Variants in ZFHX3 observed in about 807,000 individuals in gnomAD.
ZFHX3 encodes the protein zinc finger homeobox protein 3.
A neutral mutation model predicts 279.1 loss-of-function variants in ZFHX3; 42 were observed. The observed-to-expected ratio is 0.15, with a 90% CI of 0.12 to 0.19. The LOEUF is 0.19. Ranked by LOEUF, ZFHX3 falls within the 10% of genes least tolerant of loss-of-function variation. The probability of loss-of-function intolerance (pLI) is 1.00; values close to 1 mark genes in which losing one functional copy is unlikely to be tolerated. For missense variants in ZFHX3, 4,981 were observed against 4,754.0 expected, an observed-to-expected ratio of 1.05 and a Z score of -1.40; for synonymous variants, 2,293 against 1,957.8, an observed-to-expected ratio of 1.17 and a Z score of -4.52.
chr16:72,786,959 A>T lies in ZFHX3; in HGVS notation c.*205T>A. ...CTTTTTTTTTTTTTTTAATATTAAA[A>T]GAAAAGAAAAAGACAAGAATGTAAA... On this transcript the variant is annotated 3_prime_UTR_variant, in exon 10 of 10. Coordinates refer to ENST00000268489, the MANE Select transcript of ZFHX3 (RefSeq NM_006885.4). 1 of 385,810 alleles carries T rather than the reference A, an allele frequency of 2.6e-6. No homozygotes were observed. Among genetic ancestry groups the T allele is most frequent in the Non-Finnish European group, 4.1e-6 (1 of 245,178 alleles). The allele number at this position is 385,810 out of a possible 1,614,324, so 23.9% of individuals were successfully genotyped here. A position where few individuals can be genotyped will look rare whatever the true frequency, so the allele number is the denominator to read the frequency against.
intron 1 of ZFHX3, among the ~76,000 whole-genome samples, chr16:73,781,275 G>GT (rs1403606630): frequency 1.3e-5 from 2 of 152,164 alleles, no homozygotes; most frequent in Non-Finnish European, 2.9e-5. Context: ...AATTTTACCT[G>GT]AAGGCCTTTG....
intron 8 of ZFHX3, among the ~76,000 whole-genome samples, chr16:73,082,415 C>G (rs1159894140): frequency 1.3e-5 from 2 of 151,974 alleles, no homozygotes; most frequent in Non-Finnish European, 2.9e-5. Flanking sequence ...CTACAGGCGC[C>G]CGCTACCACG....
At chr16:73,659,710 G>A (rs1597052147) in intron 2 of ZFHX3, among the ~76,000 whole-genome samples, 1 of 152,204 alleles carries the variant, frequency 6.6e-6, no homozygotes, top group South Asian at 2.1e-4. Flanking sequence ...TGCCCCAATG[G>A]GAGAAGAGTA....
chr16:73,662,513 T>G (rs1242058878), intron 2 of ZFHX3, among the ~76,000 whole-genome samples: 1 of 152,162 alleles, frequency 6.6e-6, no homozygotes, highest in Non-Finnish European at 1.5e-5. Context: ...TGTGGGAACC[T>G]TATGTCAAAA....
intron 2 of ZFHX3, among the ~76,000 whole-genome samples, chr16:73,624,308 T>C (rs1314604566): frequency 6.6e-6 from 1 of 152,230 alleles, no homozygotes; most frequent in Non-Finnish European, 1.5e-5. Flanking sequence ...TTTATGTTTA[T>C]GTTACAAATA....
chr16:72,827,265 A>G (rs1381797975), intron 5 of ZFHX3, among the ~76,000 whole-genome samples: 1 of 152,190 alleles, frequency 6.6e-6, no homozygotes, highest in Non-Finnish European at 1.5e-5. Flanking sequence ...TCCTCATCTT[A>G]TATATCACTA....
intron 4 of ZFHX3, among the ~76,000 whole-genome samples, chr16:72,854,400 G>C (rs2143854717): frequency 6.6e-6 from 1 of 152,252 alleles, no homozygotes; most frequent in East Asian, 1.9e-4. Context: ...TCTGGAAGAG[G>C]AGATATAAGC....
chr16:73,131,109 T>A, intron 6 of ZFHX3: 2 of 609,244 alleles, frequency 3.3e-6, no homozygotes, highest in African/African-American at 1.9e-5. Flanking sequence ...AAAGTGGGAG[T>A]AATAATAGGA....
At chr16:73,086,221 G>A (rs1966010392) in intron 8 of ZFHX3, among the ~76,000 whole-genome samples, 1 of 152,164 alleles carries the variant, frequency 6.6e-6, no homozygotes, top group Non-Finnish European at 1.5e-5. Context: ...AGCAAATGCT[G>A]GTAAAGTTGC....
intron 2 of ZFHX3, among the ~76,000 whole-genome samples, chr16:73,627,269 G>A (rs1380683305): frequency 6.6e-6 from 1 of 152,176 alleles, no homozygotes; most frequent in African/African-American, 2.4e-5. Context: ...AGAGAGGCAG[G>A]AGGAGATAAA....
intron 5 of ZFHX3, among the ~76,000 whole-genome samples, chr16:72,823,891 C>T (rs953568196): frequency 6.6e-6 from 1 of 152,114 alleles, no homozygotes; most frequent in African/African-American, 2.4e-5. Context: ...CTGTATTTTT[C>T]CTAACACGTT....
At chr16:73,307,101 A>G (rs1325786402) in intron 4 of ZFHX3, among the ~76,000 whole-genome samples, 1 of 152,242 alleles carries the variant, frequency 6.6e-6, no homozygotes, top group African/African-American at 2.4e-5. Context: ...GGTTAAGATG[A>G]TCTTTGGAGT....
intron 4 of ZFHX3, among the ~76,000 whole-genome samples, chr16:73,289,449 T>G (rs1049698252): frequency 2.0e-5 from 3 of 151,764 alleles, no homozygotes; most frequent in Non-Finnish European, 4.4e-5. Flanking sequence ...GTTTTCAAGG[T>G]GGGGAAAAAA....
At chr16:73,220,292 C>T (rs1299791380) in intron 5 of ZFHX3, among the ~76,000 whole-genome samples, 1 of 152,012 alleles carries the variant, frequency 6.6e-6, no homozygotes, top group East Asian at 1.9e-4. Flanking sequence ...CAAGCCTCCT[C>T]ATCTCACAAT....
At chr16:73,278,092 C>A (rs1362471518) in intron 4 of ZFHX3, among the ~76,000 whole-genome samples, 2 of 152,132 alleles carry the variant, frequency 1.3e-5, no homozygotes, top group Non-Finnish European at 2.9e-5. Context: ...CTAAACCATA[C>A]CAGTCTATTT....
At chr16:73,315,229 A>G (rs918733326) in intron 4 of ZFHX3, among the ~76,000 whole-genome samples, 3 of 152,052 alleles carry the variant, frequency 2.0e-5, no homozygotes, top group South Asian at 4.2e-4. Flanking sequence ...GAAAAAAAAA[A>G]AAAAGAAAAA....
chr16:73,043,630 A>T (rs1222762954), intron 1 of ZFHX3, among the ~76,000 whole-genome samples: 1 of 152,056 alleles, frequency 6.6e-6, no homozygotes, highest in African/African-American at 2.4e-5. Flanking sequence ...GTCCTCACCC[A>T]CCTGTCCCCT....
chr16:72,974,398 A>C (rs1357557229), intron 1 of ZFHX3, among the ~76,000 whole-genome samples: 1 of 152,206 alleles, frequency 6.6e-6, no homozygotes, highest in African/African-American at 2.4e-5. Context: ...AAAGTTTCCC[A>C]CAGCAGTTAT....
intron 4 of ZFHX3, among the ~76,000 whole-genome samples, chr16:72,874,198 A>ATTTTTTTTTTT (rs565664402): frequency 3.0e-4 from 29 of 95,134 alleles, no homozygotes; most frequent in African/African-American, 1.1e-3. Flanking sequence ...GGATTTTTTG[A>ATTTTTTTTTTT]TTTTTTTTTT....
Sources: allele counts gnomAD v4.1 joint callset (sites outside exome capture counted in the v4.1 genomes callset), GRCh38; gene constraint gnomAD v4.1.1; transcripts MANE v1.5; gene names NCBI Gene and HGNC (gene_info 2026-07-23, HGNC 2026-07-21).